The following RAD51B variants were observed in gnomAD, a reference collection of about 807,000 sequenced individuals.
RAD51B encodes RAD51 paralog B.
RAD51B carries 38 observed loss-of-function variants against 42.2 expected under a neutral mutation model. The ratio of observed to expected loss-of-function variants is 0.90; its 90% CI spans 0.70 to 1.18. RAD51B has a LOEUF of 1.18. RAD51B is among the 50% of genes most tolerant of loss of function. The pLI is 0.00. For missense variants in RAD51B, 373 were observed against 400.7 expected (o/e 0.93, Z 0.59); for synonymous variants, 154 against 145.2 (o/e 1.06, Z -0.43).
At chr14:68,168,092 G>A (rs1296674577) in intron 7 of RAD51B, among the ~76,000 whole-genome samples, 1 of 152,012 alleles carries the variant, frequency 6.6e-6, no homozygotes, top group East Asian at 1.9e-4. Flanking sequence ...AGATTTTATT[G>A]GGTACAGCAC....
intron 9 of RAD51B, among the ~76,000 whole-genome samples, chr14:68,419,277 T>TG (rs967383888): frequency 6.6e-6 from 1 of 152,192 alleles, no homozygotes; most frequent in African/African-American, 2.4e-5. Context: ...CTGAATGTGT[T>TG]GCTATTTTCA....
intron 10 of RAD51B, among the ~76,000 whole-genome samples, chr14:68,485,355 TAGTG>T (rs541587702): frequency 5.7e-4 from 87 of 152,232 alleles, no homozygotes; most frequent in Non-Finnish European, 1.1e-3. Context: ...GGTATAGGAC[TAGTG>T]AGTGGGAAGG....
At chr14:68,637,739 C>A (rs547571701) in intron 10 of RAD51B, among the ~76,000 whole-genome samples, 5 of 152,244 alleles carry the variant, frequency 3.3e-5, no homozygotes, top group African/African-American at 1.2e-4. Context: ...TGGAAAAGAA[C>A]CAGGGCTGTG....
intron 7 of RAD51B, among the ~76,000 whole-genome samples, chr14:68,144,764 G>A (rs1241480923): frequency 1.3e-5 from 2 of 152,110 alleles, no homozygotes; most frequent in Admixed American, 1.3e-4. Context: ...TCTGTATTTT[G>A]TGTTTTATTT....
At chr14:68,635,731 C>T (rs1306067742) in intron 10 of RAD51B, among the ~76,000 whole-genome samples, 1 of 152,190 alleles carries the variant, frequency 6.6e-6, no homozygotes, top group African/African-American at 2.4e-5. Context: ...TGCTCAGTTG[C>T]CCCTGGGCTA....
chr14:68,682,699 C>T (rs964932230), intron 11 of RAD51B, among the ~76,000 whole-genome samples: 6 of 152,052 alleles, frequency 3.9e-5, no homozygotes, highest in Admixed American at 2.6e-4. Context: ...GCCCTCCCCG[C>T]CCCCCACGAT....
chr14:67,995,276 A>C (rs1467140674), intron 7 of RAD51B, among the ~76,000 whole-genome samples: 2 of 151,896 alleles, frequency 1.3e-5, no homozygotes, highest in African/African-American at 4.8e-5. Context: ...AGTCCCAGCT[A>C]CTCGGGAGGC....
intron 7 of RAD51B, among the ~76,000 whole-genome samples, chr14:68,144,558 G>A (rs1278513832): frequency 1.3e-5 from 2 of 152,224 alleles, no homozygotes; most frequent in East Asian, 3.8e-4. Flanking sequence ...TTGTTGATGA[G>A]TAGAGCTTTT....
intron 7 of RAD51B, among the ~76,000 whole-genome samples, chr14:68,120,573 C>T (rs2077632107): frequency 6.6e-6 from 1 of 151,962 alleles, no homozygotes; most frequent in Non-Finnish European, 1.5e-5. Context: ...TGTCCCCTGC[C>T]TTTTTTTTCC....
At chr14:68,046,024 A>G (rs61987529) in intron 7 of RAD51B, among the ~76,000 whole-genome samples, 29 of 152,310 alleles carry the variant, frequency 1.9e-4, no homozygotes, top group Admixed American at 5.2e-4. Flanking sequence ...GGCTCCACCT[A>G]GGGAAATTGC....
intron 7 of RAD51B, among the ~76,000 whole-genome samples, chr14:68,099,999 G>A (rs1332403830): frequency 1.3e-5 from 2 of 152,164 alleles, no homozygotes; most frequent in African/African-American, 2.4e-5. Context: ...GGAGTATGGG[G>A]TGAGAGGGAG....
intron 7 of RAD51B, among the ~76,000 whole-genome samples, chr14:68,091,748 G>C (rs2077103235): frequency 6.6e-6 from 1 of 152,168 alleles, no homozygotes; most frequent in Non-Finnish European, 1.5e-5. Context: ...ATTGCTTTTG[G>C]TGTGTTAGAC....
At chr14:68,201,316 A>G (rs1310331013) in intron 7 of RAD51B, among the ~76,000 whole-genome samples, 1 of 152,226 alleles carries the variant, frequency 6.6e-6, no homozygotes, top group Non-Finnish European at 1.5e-5. Flanking sequence ...AAACATATCT[A>G]CCTGAAAGCA....
At chr14:68,611,097 G>T in exon 11 of RAD51B, 1 of 703,104 alleles carries the variant, frequency 1.4e-6, no homozygotes. Context: ...TACCTGATGT[G>T]GTGCTCAGAA....
chr14:68,285,644 A>G (rs556544869), intron 7 of RAD51B, among the ~76,000 whole-genome samples: 1 of 152,242 alleles, frequency 6.6e-6, no homozygotes, highest in African/African-American at 2.4e-5. Context: ...AAACTTCCTG[A>G]TGTGTGTTAG....
chr14:68,597,513 C>T (rs1410428736), downstream of RAD51B, among the ~76,000 whole-genome samples: 1 of 152,138 alleles, frequency 6.6e-6, no homozygotes, highest in South Asian at 2.1e-4. Flanking sequence ...GAGCTGGAGG[C>T]CATTATCCTT....
intron 9 of RAD51B, among the ~76,000 whole-genome samples, chr14:68,465,907 C>CTCCA (rs2085962544): frequency 1.3e-5 from 2 of 150,306 alleles, no homozygotes; most frequent in South Asian, 4.2e-4. Flanking sequence ...CGCCACTGCA[C>CTCCA]TCCAGCCTGG....
At chr14:68,564,740 T>G (rs372597486) in intron 10 of RAD51B, among the ~76,000 whole-genome samples, 3 of 152,080 alleles carry the variant, frequency 2.0e-5, no homozygotes, top group African/African-American at 4.8e-5. Flanking sequence ...TCAGGTCGGG[T>G]TGAGCTGAAA....
At chr14:68,416,528 C>G (rs1228152956) in intron 9 of RAD51B, among the ~76,000 whole-genome samples, 2 of 152,184 alleles carry the variant, frequency 1.3e-5, no homozygotes, top group Admixed American at 6.5e-5. Context: ...TGTAGCTACT[C>G]GTGAACCCAG....
Sources: allele counts gnomAD v4.1 joint callset (sites outside exome capture counted in the v4.1 genomes callset), GRCh38; gene constraint gnomAD v4.1.1; transcripts MANE v1.5; gene names NCBI Gene and HGNC (gene_info 2026-07-23, HGNC 2026-07-21).